The following GATAD2A variants were observed in gnomAD, a reference collection of about 807,000 sequenced individuals.
GATAD2A encodes the protein transcriptional repressor p66-alpha.
GATAD2A carries 12 observed loss-of-function variants against 68.5 expected under a neutral mutation model. The observed-to-expected ratio is 0.18, with a 90% confidence interval of 0.11 to 0.28. GATAD2A has a LOEUF of 0.28. GATAD2A is among the 10% of genes least tolerant of loss of function. The pLI is 1.00. For missense variants in GATAD2A, 755 were observed against 868.5 expected (o/e 0.87, Z 1.64); for synonymous variants, 410 against 375.3 (o/e 1.09, Z -1.07).
At chr19:19,470,527 A>G (rs2058222892) in intron 2 of GATAD2A, among the ~76,000 whole-genome samples, 1 of 152,236 alleles carries the variant, frequency 6.6e-6, no homozygotes, top group Admixed American at 6.5e-5. Context: ...ATGGAAATTA[A>G]TCAGTTATAG....
chr19:19,462,217 G>C (rs995364648), intron 1 of GATAD2A, among the ~76,000 whole-genome samples: 2 of 152,188 alleles, frequency 1.3e-5, no homozygotes, highest in Non-Finnish European at 2.9e-5. Context: ...GCCCTGTTGT[G>C]CTGGGGGCAC....
chr19:19,451,028 C>T (rs2056327478), intron 1 of GATAD2A, among the ~76,000 whole-genome samples: 1 of 151,912 alleles, frequency 6.6e-6, no homozygotes, highest in Non-Finnish European at 1.5e-5. Context: ...CCTCAGCCTC[C>T]CAAAATGCTG....
rs2059509121 is a variant in GATAD2A at position 19,487,370 on chromosome 19, C to T, written c.270-4936C>T. On this transcript the variant is annotated intron_variant, in intron 2 of 11. Transcript: ENST00000683918. ...CCCCAGCTCAGGGTGCAGGAACCTG[C>T]TTGTCAGACAGGTGCTGACATGTCA... Among the ~76,000 whole-genome samples the T allele has an allele frequency of 2.0e-5, 3 of 152,118 alleles. No homozygotes were observed. The South Asian group carries it at 6.2e-4, about 32-fold the overall frequency.
At chr19:19,436,609 A>G (rs2054382292) in intron 1 of GATAD2A, among the ~76,000 whole-genome samples, 1 of 152,196 alleles carries the variant, frequency 6.6e-6, no homozygotes, top group South Asian at 2.1e-4. Context: ...CCAGGGCCCC[A>G]CACTGGTTCT....
intron 1 of GATAD2A, among the ~76,000 whole-genome samples, chr19:19,408,239 C>T (rs983136665): frequency 7.9e-5 from 12 of 152,218 alleles, no homozygotes; most frequent in South Asian, 2.1e-4. Context: ...CCCACCTCAG[C>T]CTCCCAAAGT....
At chr19:19,437,553 C>T (rs1238426440) in intron 1 of GATAD2A, among the ~76,000 whole-genome samples, 1 of 152,084 alleles carries the variant, frequency 6.6e-6, no homozygotes. Context: ...TTTCATTATC[C>T]CAAAAGGAAA....
rs375279018 is a variant in GATAD2A at position 19,492,380 on chromosome 19, C to T, written c.344C>T (p.Pro115Leu). 1.7e-5 allele frequency: 27 copies of T among 1,613,356 alleles called. No individual in the cohort carries two copies. The African/African-American group carries it at 2.4e-4, about 14-fold the overall frequency. Residue 115 changes from proline to leucine, a missense_variant, in exon 3 of 12, where the codon CCG (proline) becomes CTG (leucine). By Grantham distance (98) the Pro-to-Leu change is moderately conservative (BLOSUM62 -3). Coordinates refer to ENST00000683918, the MANE Select transcript of GATAD2A (RefSeq NM_001384528.1). ...TCCGACAACGAGCAGCCCTCGAGCC[C>T]GAGAGTGAATGGGCTGACCACGGTG... Reference protein sequence around the residue: ...VLSDNEQPSSPRVNGLTTVAL... With the variant: ...VLSDNEQPSSLRVNGLTTVAL...
intron 1 of GATAD2A, among the ~76,000 whole-genome samples, chr19:19,398,147 G>A (rs2049410087): frequency 1.3e-5 from 2 of 151,680 alleles, no homozygotes; most frequent in South Asian, 4.1e-4. Context: ...AGGTGATCTG[G>A]CTGCTGCAGC....
chr19:19,455,496 T>TA (rs976671921), intron 1 of GATAD2A, among the ~76,000 whole-genome samples: 3 of 150,636 alleles, frequency 2.0e-5, no homozygotes, highest in East Asian at 3.9e-4. Context: ...CTCTGGGTCT[T>TA]AAAAAAAAAA....
At chr19:19,439,878 G>A (rs2054797271) in intron 1 of GATAD2A, among the ~76,000 whole-genome samples, 1 of 151,952 alleles carries the variant, frequency 6.6e-6, no homozygotes, top group South Asian at 2.1e-4. Context: ...ACACAAAAAA[G>A]CAAAAAGACA....
chr19:19,440,000 C>A, intron 1 of GATAD2A: 1 of 177,672 alleles, frequency 5.6e-6, no homozygotes, highest in Non-Finnish European at 1.2e-5. Context: ...CGGAAACAAA[C>A]AAAGCTGGGA....
In GATAD2A at chr19:19,452,177, C is replaced by G. The variant is rs181475715; in HGVS notation, c.-6-13163C>G. Among the ~76,000 whole-genome samples, 13 of 152,306 alleles carry G rather than the reference C, an allele frequency of 8.5e-5. No individual in the cohort carries two copies. In the East Asian group the frequency reaches 2.3e-3, roughly 27 times the overall value. On this transcript the variant is annotated intron_variant, in intron 1 of 11. Coordinates refer to ENST00000683918, the MANE Select transcript of GATAD2A (RefSeq NM_001384528.1). ...GTGTCTGTCTGCTGTCCCACTGTTT[C>G]CTTTGTCTGTCTTCTGCCTTTCCTA...
At chr19:19,411,553 T>TG (rs1481798026) in intron 1 of GATAD2A, among the ~76,000 whole-genome samples, 8 of 152,186 alleles carry the variant, frequency 5.3e-5, no homozygotes, top group Non-Finnish European at 7.4e-5. Context: ...CTCCTGGACT[T>TG]GCCTTTCAGA....
chr19:19,448,732 C>T (rs1007001771), intron 1 of GATAD2A, among the ~76,000 whole-genome samples: 28 of 152,186 alleles, frequency 1.8e-4, no homozygotes, highest in Admixed American at 1.6e-3. Flanking sequence ...TCAAATGATC[C>T]GCCCGCCTCA....
intron 1 of GATAD2A, among the ~76,000 whole-genome samples, chr19:19,457,419 C>G (rs190812018): frequency 7.9e-5 from 12 of 152,276 alleles, no homozygotes; most frequent in Admixed American, 2.6e-4. Flanking sequence ...CCACCTGTGC[C>G]TGTCACTTCA....
intron 1 of GATAD2A, among the ~76,000 whole-genome samples, chr19:19,461,134 G>A (rs894193783): frequency 6.6e-6 from 1 of 152,154 alleles, no homozygotes; most frequent in Admixed American, 6.5e-5. Flanking sequence ...GCAGAAAGAC[G>A]CCTAAAATCC....
chr19:19,413,464 G>C (rs1471406492), intron 1 of GATAD2A, among the ~76,000 whole-genome samples: 2 of 152,108 alleles, frequency 1.3e-5, no homozygotes, highest in Admixed American at 1.3e-4. Flanking sequence ...GTTTGCCGAG[G>C]GTTCATGCCC....
At chr19:19,453,974 T>TG (rs565567679) in intron 1 of GATAD2A, among the ~76,000 whole-genome samples, 1 of 113,922 alleles carries the variant, frequency 8.8e-6, no homozygotes, top group African/African-American at 4.6e-5. Context: ...ATTTTTTGTG[T>TG]TTTTTTTTTT....
At chr19:19,501,903 A>T (rs2060550568) in intron 9 of GATAD2A, 66 bp from the exon 10 acceptor site, 1 of 1,264,350 alleles carries the variant, frequency 7.9e-7, no homozygotes, top group African/African-American at 1.5e-5. Context: ...TGTGGGGCTC[A>T]CCCTCGGTCA....
Sources: allele counts gnomAD v4.1 joint callset (sites outside exome capture counted in the v4.1 genomes callset), GRCh38; gene constraint gnomAD v4.1.1; transcripts MANE v1.5; gene names NCBI Gene and HGNC (gene_info 2026-07-23, HGNC 2026-07-21).